The following AR variants were observed in gnomAD, a reference collection of about 807,000 sequenced individuals.
The protein encoded by AR is androgen receptor, also known as dihydrotestosterone receptor.
AR carries 8 observed loss-of-function variants against 53.9 expected under a neutral mutation model. The ratio of observed to expected loss-of-function variants is 0.15; its 90% CI spans 0.09 to 0.27. The LOEUF (loss-of-function observed/expected upper bound fraction) is 0.27, where lower values mean the gene tolerates loss of function less well. Among genes scored for constraint, AR ranks in the 10% least tolerant of loss-of-function variants. The probability of loss-of-function intolerance (pLI) is 1.00; values close to 1 mark genes in which losing one functional copy is unlikely to be tolerated. For missense variants in AR, 639 were observed against 742.5 expected, an observed-to-expected ratio of 0.86 and a Z score of 1.62; for synonymous variants, 359 against 316.4, an observed-to-expected ratio of 1.13 and a Z score of -1.43.
chrX:67,603,791 G>C (rs1923490170), intron 1 of AR, among the ~76,000 whole-genome samples: 1 of 109,372 alleles, frequency 9.1e-6, no homozygotes, highest in African/African-American at 3.3e-5. Flanking sequence ...GGTAAAGTTT[G>C]GAAGGTGGTG....
chrX:67,623,754 GA>G (rs763003669), intron 1 of AR, among the ~76,000 whole-genome samples: 1 of 110,983 alleles, frequency 9.0e-6, no homozygotes, highest in African/African-American at 3.3e-5. Flanking sequence ...GATTGAATAA[GA>G]AAAAAAGAGA....
At chrX:67,631,022 T>C (rs1295273883) in intron 1 of AR, among the ~76,000 whole-genome samples, 1 of 111,992 alleles carries the variant, frequency 8.9e-6, no homozygotes, top group East Asian at 2.8e-4. Context: ...GTTAGTCTGA[T>C]GGGCTTCCCT....
intron 3 of AR, among the ~76,000 whole-genome samples, chrX:67,691,610 C>T (rs1241921613): frequency 7.2e-5 from 8 of 111,477 alleles, no homozygotes; most frequent in Non-Finnish European, 1.1e-4. Flanking sequence ...AATACACTTT[C>T]GAAAACATGG....
chrX:67,555,362 G>T (rs1427279915), intron 1 of AR, among the ~76,000 whole-genome samples: 1 of 111,620 alleles, frequency 9.0e-6, no homozygotes, highest in Admixed American at 9.5e-5. Flanking sequence ...TGGAAAGAAT[G>T]AACTGGAGGA....
At chrX:67,697,564 G>T (rs746683166) in intron 3 of AR, among the ~76,000 whole-genome samples, 1 of 111,564 alleles carries the variant, frequency 9.0e-6, no homozygotes, top group East Asian at 2.8e-4. Context: ...ACCACCATAA[G>T]CAGTCTTTCA....
At chrX:67,719,241 A>G (rs1433219062) in intron 5 of AR, among the ~76,000 whole-genome samples, 1 of 111,514 alleles carries the variant, frequency 9.0e-6, no homozygotes, top group Non-Finnish European at 1.9e-5. Flanking sequence ...AAAGTTGCCT[A>G]TGATGCCATC....
intron 1 of AR, among the ~76,000 whole-genome samples, chrX:67,587,180 C>A (rs1450095738): frequency 8.9e-6 from 1 of 112,342 alleles, no homozygotes; most frequent in Non-Finnish European, 1.9e-5. Flanking sequence ...AGCTCCTAGT[C>A]CATTGTTCTG....
chrX:67,665,843 T>G (rs953671701), intron 2 of AR, among the ~76,000 whole-genome samples: 2 of 111,929 alleles, frequency 1.8e-5, no homozygotes, highest in Admixed American at 9.5e-5. Context: ...CCATGGAATA[T>G]ATGCATAAAA....
At chrX:67,694,388 T>C (rs1313007884) in intron 3 of AR, among the ~76,000 whole-genome samples, 1 of 109,279 alleles carries the variant, frequency 9.2e-6, no homozygotes, top group Non-Finnish European at 1.9e-5. Flanking sequence ...TTCAGAGAGA[T>C]GCACGCACAC....
chrX:67,560,827 C>A (rs1921266907), intron 1 of AR, among the ~76,000 whole-genome samples: 1 of 111,266 alleles, frequency 9.0e-6, no homozygotes, highest in Admixed American at 9.6e-5. Flanking sequence ...CTATGACAGC[C>A]CCCTACAAAA....
chrX:67,565,168 C>CCACTTCTAGGAAGGGAAAT (rs1232151670), intron 1 of AR, among the ~76,000 whole-genome samples: 3 of 111,813 alleles, frequency 2.7e-5, no homozygotes, highest in Admixed American at 1.9e-4. Context: ...CCTTCTGAAA[C>CCACTTCTAGGAAGGGAAAT]CACTTCTAGG....
chrX:67,703,619 T>G (rs1307351809), intron 3 of AR, among the ~76,000 whole-genome samples: 1 of 112,012 alleles, frequency 8.9e-6, no homozygotes, highest in East Asian at 2.8e-4. Flanking sequence ...AAGAAAAAAA[T>G]CAATATGTAT....
intron 1 of AR, among the ~76,000 whole-genome samples, chrX:67,626,632 A>ATATT (rs1555979827): frequency 2.0e-5 from 2 of 99,528 alleles, no homozygotes; most frequent in African/African-American, 7.3e-5. Flanking sequence ...ATATATATAT[A>ATATT]TATTTATTAT....
In AR at chrX:67,723,963, C is replaced by T; in HGVS notation, c.*122C>T. The T allele has an allele frequency of 3.3e-6, 3 of 920,834 alleles. No individual in the cohort carries two copies. Among genetic ancestry groups the T allele is most frequent in the Non-Finnish European group, 3.0e-6 (2 of 657,233 alleles). 75.9% of individuals were successfully genotyped at this position (920,834 alleles called of 1,213,427 possible). On this transcript the variant is annotated 3_prime_UTR_variant, in exon 8 of 8. Transcript: ENST00000374690. ...GGAATTTCCTCTATTGATGTACAGTCTGTCATGAACATGTTCCTGAATTCT... is the reference window on the plus strand; with the variant it reads ...GGAATTTCCTCTATTGATGTACAGTTTGTCATGAACATGTTCCTGAATTCT...
At position 67,546,297 on chromosome X, in the gene AR, A is replaced by T. The variant is rs763834817; in HGVS notation, c.1151A>T (p.His384Leu). 2 of 1,196,975 alleles carry T rather than the reference A, an allele frequency of 1.7e-6. No individual in the cohort carries two copies. Among genetic ancestry groups the T allele is most frequent in the South Asian group, 1.8e-5 (1 of 55,133 alleles). Residue 384 changes from histidine to leucine, a missense_variant, in exon 1 of 8, where the codon CAC (histidine) becomes CTC (leucine). Around this residue, in one of 5 missense-constraint regions of AR, gnomAD observed 423 missense variants for 377.0 expected, o/e 1.12. Coordinates refer to ENST00000374690, the MANE Select transcript of AR (RefSeq NM_000044.6). ...CCCCCTCCGCCGCCTCCCCATCCCC[A>T]CGCTCGCATCAAGCTGGAGAACCCG... Reference protein sequence around the residue: ...PPPPPPPPHPHARIKLENPLD... With the variant: ...PPPPPPPPHPLARIKLENPLD...
At chrX:67,661,236 A>T (rs1298297161) in intron 2 of AR, among the ~76,000 whole-genome samples, 2 of 110,820 alleles carry the variant, frequency 1.8e-5, no homozygotes, top group African/African-American at 3.3e-5. Flanking sequence ...CCTGGCCAGA[A>T]CTTCCAACAG....
chrX:67,686,000 G>C lies in AR; in HGVS notation c.1769-10G>C, dbSNP rs768531872. 2.5e-6 allele frequency: 3 copies of C among 1,209,630 alleles called. No homozygotes were observed. Among genetic ancestry groups the C allele is most frequent in the Non-Finnish European group, 3.4e-6 (3 of 893,835 alleles). On this transcript the variant is annotated splice_polypyrimidine_tract_variant and intron_variant, in intron 2 of 7. Coordinates refer to ENST00000374690, the MANE Select transcript of AR (RefSeq NM_000044.6). Reference sequence around the variant, plus strand: ...ATCAGGTCTATCAACTCTTGTATTTGTTCTCCCAGGGAAACAGAAGTACCT... The same window carrying C: ...ATCAGGTCTATCAACTCTTGTATTTCTTCTCCCAGGGAAACAGAAGTACCT...
intron 1 of AR, among the ~76,000 whole-genome samples, chrX:67,577,004 CTT>C (rs35442632): frequency 1.9e-4 from 17 of 90,772 alleles, no homozygotes; most frequent in African/African-American, 2.5e-4. Flanking sequence ...CTCTCTCTCT[CTT>C]TTTTTTTTTT....
chrX:67,668,503 G>A (rs1018316925), intron 2 of AR, among the ~76,000 whole-genome samples: 2 of 109,588 alleles, frequency 1.8e-5, no homozygotes, highest in African/African-American at 6.9e-5. Flanking sequence ...TGTTTATCAG[G>A]GATATTGGCC....
Sources: allele counts gnomAD v4.1 joint callset (sites outside exome capture counted in the v4.1 genomes callset), GRCh38; gene constraint gnomAD v4.1.1; regional missense constraint gnomAD v4.1.1; transcripts MANE v1.5; gene names NCBI Gene and HGNC (gene_info 2026-07-23, HGNC 2026-07-21).